The following FOXP1 variants were observed in gnomAD, a reference collection of about 807,000 sequenced individuals.
FOXP1 encodes the protein forkhead box protein P1.
Under a neutral mutation model 98.2 loss-of-function variants are expected in FOXP1, and 15 were observed. The observed-to-expected ratio is 0.15, with a 90% confidence interval of 0.10 to 0.24. The LOEUF (loss-of-function observed/expected upper bound fraction) is 0.24, where lower values mean the gene tolerates loss of function less well. Among genes scored for constraint, FOXP1 ranks in the 10% least tolerant of loss-of-function variants. The pLI is 1.00. For synonymous variants in FOXP1, 371 were observed against 314.5 expected (o/e 1.18, Z -1.90); for missense variants, 633 against 848.5 (o/e 0.75, Z 3.15).
intron 5 of FOXP1, among the ~76,000 whole-genome samples, chr3:71,209,260 C>T (rs139753284): frequency 0.011 from 1,627 of 152,312 alleles, 50 homozygotes; most frequent in Non-Finnish European, 9.5e-3. Context: ...TTGAAAACAG[C>T]TTTAAAACAC....
chr3:70,970,986 C>T, intron 18 of FOXP1, 181 bp from the exon 19 acceptor site: 1 of 627,506 alleles, frequency 1.6e-6, no homozygotes, highest in Non-Finnish European at 2.9e-6. Context: ...GTGTGCACAC[C>T]TCTGGGGTTG....
At chr3:71,019,030 G>A (rs1036197735) in intron 11 of FOXP1, among the ~76,000 whole-genome samples, 2 of 152,160 alleles carry the variant, frequency 1.3e-5, no homozygotes, top group Non-Finnish European at 2.9e-5. Context: ...CTTTGCAGTC[G>A]TTCTGTATGA....
chr3:71,127,281 A>G (rs2059278068), intron 6 of FOXP1, among the ~76,000 whole-genome samples: 1 of 152,260 alleles, frequency 6.6e-6, no homozygotes, highest in Admixed American at 6.5e-5. Context: ...ATGAAACTAC[A>G]GAGCAACCGC....
intron 4 of FOXP1, among the ~76,000 whole-genome samples, chr3:71,330,918 G>A (rs906720727): frequency 2.6e-5 from 4 of 152,224 alleles, no homozygotes; most frequent in African/African-American, 4.8e-5. Context: ...AAGAAAATCA[G>A]GCCAGGCACA....
intron 7 of FOXP1, among the ~76,000 whole-genome samples, chr3:71,094,564 C>T (rs949870393): frequency 1.1e-4 from 16 of 152,192 alleles, no homozygotes; most frequent in Non-Finnish European, 4.4e-5. Context: ...GGGTTTGGCC[C>T]ATGGGTTTAC....
At chr3:71,282,576 T>C (rs903151542) in intron 5 of FOXP1, among the ~76,000 whole-genome samples, 4 of 152,084 alleles carry the variant, frequency 2.6e-5, no homozygotes, top group Non-Finnish European at 5.9e-5. Context: ...CCTCAACTAC[T>C]TCACAGGGGA....
intron 5 of FOXP1, among the ~76,000 whole-genome samples, chr3:71,283,861 T>G (rs897167566): frequency 2.0e-5 from 3 of 152,162 alleles, no homozygotes; most frequent in African/African-American, 7.2e-5. Context: ...CAAAGTACCA[T>G]ATTAGTCCTG....
chr3:71,438,008 C>T (rs2085536339), intron 3 of FOXP1, among the ~76,000 whole-genome samples: 1 of 152,112 alleles, frequency 6.6e-6, no homozygotes, highest in Admixed American at 6.6e-5. Context: ...GACTTATTTC[C>T]AGAAGAAATG....
chr3:71,136,390 T>C (rs967145048), intron 6 of FOXP1, among the ~76,000 whole-genome samples: 1 of 152,260 alleles, frequency 6.6e-6, no homozygotes, highest in African/African-American at 2.4e-5. Context: ...TATTGTTTCC[T>C]TCATGAGCTG....
chr3:71,218,652 C>A (rs1226275504), intron 5 of FOXP1, among the ~76,000 whole-genome samples: 1 of 152,202 alleles, frequency 6.6e-6, no homozygotes, highest in African/African-American at 2.4e-5. Flanking sequence ...AGCTACTTAG[C>A]GCTGCTGTTG....
chr3:70,980,022 C>T (rs555069508), intron 14 of FOXP1, among the ~76,000 whole-genome samples: 27 of 152,196 alleles, frequency 1.8e-4, no homozygotes, highest in Admixed American at 3.9e-4. Context: ...AGAGCAAGCT[C>T]TGGAGATGGC....
rs912701816 is a variant in FOXP1 at position 71,051,779 on chromosome 3, G to A, written c.510+758C>T. ...ACTCCCACAACTGAGTCTCACCCAC[G>A]CAGAACTGAATAGAAGGTGAACTGG... On this transcript the variant is annotated intron_variant, in intron 9 of 20. Transcript: ENST00000649528. Among the ~76,000 whole-genome samples, 5 of 152,250 alleles carry A rather than the reference G, an allele frequency of 3.3e-5. 1 individual carries two copies. In the South Asian group the frequency reaches 1.0e-3, roughly 32 times the overall value.
At chr3:71,526,967 CAAA>C (rs34141810) in intron 2 of FOXP1, among the ~76,000 whole-genome samples, 5 of 62,298 alleles carry the variant, frequency 8.0e-5, no homozygotes, top group Non-Finnish European at 1.3e-4. Context: ...AACTCCAACT[CAAA>C]AAAAAAAAAA....
chr3:71,206,540 T>C (rs1424386706), intron 5 of FOXP1, among the ~76,000 whole-genome samples: 5 of 152,198 alleles, frequency 3.3e-5, no homozygotes, highest in Non-Finnish European at 7.3e-5. Flanking sequence ...AATAAAATAA[T>C]GTTCCTAACA....
At chr3:71,152,556 C>T (rs1334736197) in intron 6 of FOXP1, among the ~76,000 whole-genome samples, 1 of 152,104 alleles carries the variant, frequency 6.6e-6, no homozygotes, top group Non-Finnish European at 1.5e-5. Flanking sequence ...TGGAGGAGGC[C>T]CCCAGCGTGT....
chr3:70,955,624 C>A lies in FOXP1; in HGVS notation c.*3623G>T. On this transcript the variant is annotated 3_prime_UTR_variant, in exon 21 of 21. Transcript: ENST00000649528. ...AGTTTTGACACTCCCCATTGTTAAT[C>A]ACTACTTCACTGATAAACTTGGAAA... The A allele has an allele frequency of 1.7e-5, 4 of 232,194 alleles. No individual in the cohort carries two copies. In the East Asian group the frequency reaches 2.4e-4, roughly 14 times the overall value. The allele number at this position is 232,194 out of a possible 1,614,324, so 14.4% of individuals were successfully genotyped here. A position where few individuals can be genotyped will look rare whatever the true frequency, so the allele number is the denominator to read the frequency against.
chr3:71,126,863 A>AAC (rs1553751148), intron 6 of FOXP1, among the ~76,000 whole-genome samples: 1,788 of 136,522 alleles, frequency 0.013, 60 homozygotes, highest in African/African-American at 0.046. Context: ...AAGAAAAAAA[A>AAC]AAACAAACAA....
intron 4 of FOXP1, among the ~76,000 whole-genome samples, chr3:71,320,569 C>T (rs866096184): frequency 6.6e-5 from 10 of 152,254 alleles, no homozygotes; most frequent in East Asian, 1.9e-4. Context: ...TCCCTGTTAT[C>T]TATTCCCTTT....
chr3:71,181,446 A>C (rs1347896811), intron 6 of FOXP1, among the ~76,000 whole-genome samples: 3 of 152,334 alleles, frequency 2.0e-5, no homozygotes, highest in African/African-American at 7.2e-5. Context: ...TTTACAGATG[A>C]GAAAAGTGAG....
Sources: gnomAD v4.1 joint callset for allele counts (sites outside exome capture counted in the v4.1 genomes callset) on GRCh38, gnomAD v4.1.1 for gene constraint, MANE v1.5 for transcripts, NCBI Gene and HGNC (gene_info 2026-07-23, HGNC 2026-07-21) for gene names.